Variants in LIN9 observed in about 807,000 individuals in gnomAD.
The protein encoded by LIN9 is protein lin-9 homolog.
A neutral mutation model predicts 78.0 loss-of-function variants in LIN9; 18 were observed. The observed-to-expected ratio is 0.23, with a 90% CI of 0.16 to 0.34. The LOEUF is 0.34. Among genes scored for constraint, LIN9 ranks in the 10% least tolerant of loss-of-function variants. The probability of loss-of-function intolerance (pLI) is 1.00; values close to 1 mark genes in which losing one functional copy is unlikely to be tolerated. For missense variants in LIN9, 451 were observed against 644.1 expected (o/e 0.70, Z 3.25); for synonymous variants, 192 against 215.2 (o/e 0.89, Z 0.94).
chr1:226,309,327 G>T (rs1478717395), upstream of LIN9: 26 of 1,001,838 alleles, frequency 2.6e-5, no homozygotes, highest in Non-Finnish European at 3.0e-5. Context: ...AGGTGCCGCC[G>T]AAGGGGGGCC....
At chr1:226,290,210 G>A (rs1286230828) in intron 4 of LIN9, among the ~76,000 whole-genome samples, 1 of 150,362 alleles carries the variant, frequency 6.7e-6, no homozygotes, top group African/African-American at 2.4e-5. Flanking sequence ...CAATCCAATA[G>A]AAAAATGGGA....
intron 10 of LIN9, among the ~76,000 whole-genome samples, chr1:226,259,532 A>T (rs1022667988): frequency 6.6e-6 from 1 of 152,220 alleles, no homozygotes; most frequent in Non-Finnish European, 1.5e-5. Flanking sequence ...ATTCATGAAG[A>T]GCTCATTCTG....
At position 226,260,634 on chromosome 1, in the gene LIN9, T is replaced by G. The variant is rs1028947917; in HGVS notation, c.1038+4899A>C. On this transcript the variant is annotated intron_variant, in intron 10 of 14. Coordinates refer to ENST00000681046, the MANE Select transcript of LIN9 (RefSeq NM_001366245.2). The stretch of plus-strand genomic sequence containing the variant: ...TAAGATCACGGCCAAATGAGTTTTT[T>G]TTTTTTTTTTTTTTTTTTTTTTTTT... 7.2e-3 allele frequency among the ~76,000 whole-genome samples: 289 copies of G among 40,370 alleles called. 1 individual carries two copies. The highest frequency in any genetic ancestry group is 0.011 in the Non-Finnish European group (224 of 20,536). The allele number at this position is 40,370 out of a possible 152,430, so 26.5% of individuals were successfully genotyped here. A position where few individuals can be genotyped will look rare whatever the true frequency, so the allele number is the denominator to read the frequency against.
intron 6 of LIN9, among the ~76,000 whole-genome samples, chr1:226,285,232 C>T (rs894920937): frequency 2.0e-5 from 3 of 152,026 alleles, no homozygotes; most frequent in Non-Finnish European, 4.4e-5. Context: ...TCAATTTGCT[C>T]AAACACGCAA....
At chr1:226,284,860 C>T (rs1473797985) in intron 6 of LIN9, among the ~76,000 whole-genome samples, 1 of 152,148 alleles carries the variant, frequency 6.6e-6, no homozygotes, top group Non-Finnish European at 1.5e-5. Context: ...TGCATATTTC[C>T]TCTTAGGTTC....
intron 11 of LIN9, among the ~76,000 whole-genome samples, chr1:226,249,641 C>T (rs1229585814): frequency 1.3e-5 from 2 of 152,168 alleles, no homozygotes; most frequent in Non-Finnish European, 2.9e-5. Context: ...ATTCCCAGTG[C>T]CACTATTCCC....
chr1:226,262,687 G>A (rs528074028), intron 10 of LIN9, among the ~76,000 whole-genome samples: 6 of 152,192 alleles, frequency 3.9e-5, no homozygotes, highest in East Asian at 1.9e-4. Flanking sequence ...CTGCTGCTGG[G>A]AATGCAAAAT....
At chr1:226,253,125 T>TG (rs1408789452) in intron 10 of LIN9, among the ~76,000 whole-genome samples, 5 of 151,592 alleles carry the variant, frequency 3.3e-5, no homozygotes. Context: ...TAGCCAAGTG[T>TG]GGTGGCGCCC....
chr1:226,258,778 C>T (rs1479813002), intron 10 of LIN9, among the ~76,000 whole-genome samples: 1 of 150,166 alleles, frequency 6.7e-6, no homozygotes, highest in Admixed American at 6.7e-5. Flanking sequence ...GTAGTCCCAG[C>T]TACTCAGGAG....
At chr1:226,243,695 CAAAAAAAAAAAAA>C (rs532381607) in intron 11 of LIN9, among the ~76,000 whole-genome samples, 2 of 35,406 alleles carry the variant, frequency 5.6e-5, no homozygotes, top group Admixed American at 2.8e-4. Context: ...GACTCCGTCT[CAAAAAAAAAAAAA>C]AAAAAAAAAG....
At chr1:226,289,657 C>T (rs1380541715) in intron 4 of LIN9, among the ~76,000 whole-genome samples, 1 of 151,978 alleles carries the variant, frequency 6.6e-6, no homozygotes, top group African/African-American at 2.4e-5. Context: ...CTGCCATGCC[C>T]AGCCAAAATA....
intron 11 of LIN9, among the ~76,000 whole-genome samples, chr1:226,248,124 A>C (rs1045383426): frequency 4.6e-5 from 7 of 152,226 alleles, no homozygotes; most frequent in Non-Finnish European, 8.8e-5. Flanking sequence ...ACTTTCCCCA[A>C]ATAGTACATT....
intron 12 of LIN9, among the ~76,000 whole-genome samples, chr1:226,234,776 C>A (rs1657575250): frequency 6.6e-6 from 1 of 152,074 alleles, no homozygotes. Context: ...TAAAATAAAC[C>A]ATGAATTCAT....
At chr1:226,289,512 GCCA>G (rs1661590128) in intron 4 of LIN9, among the ~76,000 whole-genome samples, 1 of 152,034 alleles carries the variant, frequency 6.6e-6, no homozygotes, top group South Asian at 2.1e-4. Flanking sequence ...GCAGGCATGT[GCCA>G]CCACACTGGG....
Position 226,232,488 on chromosome 1 carries a change from A to C in LIN9, c.*13T>G. The C allele has an allele frequency of 6.4e-7, 1 of 1,572,134 alleles. No individual in the cohort carries two copies. Among genetic ancestry groups the C allele is most frequent in the South Asian group, 1.1e-5 (1 of 88,966 alleles). On this transcript the variant is annotated 3_prime_UTR_variant, in exon 15 of 15. Coordinates refer to ENST00000681046, the MANE Select transcript of LIN9 (RefSeq NM_001366245.2). ...AACAATGTCCCGTGCAGTTGGAATA[A>C]TGAAATCTTTACTCAGTCTCTGTTG...
At chr1:226,255,723 G>C (rs1218423854) in intron 10 of LIN9, among the ~76,000 whole-genome samples, 2 of 152,138 alleles carry the variant, frequency 1.3e-5, no homozygotes, top group African/African-American at 4.8e-5. Flanking sequence ...TCTCGAGCTT[G>C]AGGATATATT....
intron 1 of LIN9, among the ~76,000 whole-genome samples, chr1:226,303,807 A>C (rs1323038514): frequency 6.6e-6 from 1 of 152,168 alleles, no homozygotes; most frequent in Admixed American, 6.5e-5. Context: ...GGGTTTCGCC[A>C]TGTTGGCCAG....
intron 10 of LIN9, among the ~76,000 whole-genome samples, chr1:226,256,569 A>AT (rs1361154119): frequency 9.9e-4 from 149 of 150,276 alleles, no homozygotes; most frequent in South Asian, 3.1e-3. Context: ...ATATATATAT[A>AT]TTTTTTTGAG....
intron 7 of LIN9, among the ~76,000 whole-genome samples, chr1:226,270,089 A>AT (rs1259443800): frequency 4.0e-5 from 6 of 150,924 alleles, no homozygotes; most frequent in African/African-American, 9.7e-5. Context: ...CACCCGGCTA[A>AT]TTTTTTTTTG....
Sources: allele counts gnomAD v4.1 joint callset (sites outside exome capture counted in the v4.1 genomes callset), GRCh38; gene constraint gnomAD v4.1.1; transcripts MANE v1.5; gene names NCBI Gene and HGNC (gene_info 2026-07-23, HGNC 2026-07-21).